The following INSYN2B variants were observed in gnomAD, a reference collection of about 807,000 sequenced individuals.
The protein encoded by INSYN2B is inhibitory synaptic factor family member 2B.
In INSYN2B, 16 loss-of-function variants were observed where a neutral mutation model predicts 41.2. The observed-to-expected ratio is 0.39, with a 90% confidence interval of 0.26 to 0.59. INSYN2B has a LOEUF of 0.59. Ranked by LOEUF, INSYN2B falls within the 20% of genes least tolerant of loss-of-function variation. The probability of loss-of-function intolerance (pLI) is 0.57; values close to 1 mark genes in which losing one functional copy is unlikely to be tolerated. For missense variants in INSYN2B, 608 were observed against 646.4 expected, an observed-to-expected ratio of 0.94 and a Z score of 0.64; for synonymous variants, 245 against 244.4, an observed-to-expected ratio of 1.00 and a Z score of -0.02.
chr5:169,952,664 AC>A (rs1204621105), intron 1 of INSYN2B, among the ~76,000 whole-genome samples: 1 of 152,142 alleles, frequency 6.6e-6, no homozygotes, highest in African/African-American at 2.4e-5. Context: ...ACAGCACCCC[AC>A]CTGCTTTTCC....
In INSYN2B at chr5:169,863,121, G is replaced by A. The variant is rs182212636; in HGVS notation, c.*1152C>T. Among the ~76,000 whole-genome samples, 1 of 152,318 alleles carries A rather than the reference G, an allele frequency of 6.6e-6. No individual in the cohort carries two copies. The highest frequency in any genetic ancestry group is 6.5e-5 in the Admixed American group (1 of 15,300). ...CAAGTTTGACTGGATCCACATGTAT[G>A]TAGGTCTTGTCAACAGAATGAGCCA... On this transcript the variant is annotated 3_prime_UTR_variant, in exon 4 of 4. Coordinates refer to ENST00000377365, the MANE Select transcript of INSYN2B (RefSeq NM_001129891.3).
intron 1 of INSYN2B, among the ~76,000 whole-genome samples, chr5:169,948,667 G>T (rs972264871): frequency 9.4e-5 from 14 of 148,162 alleles, no homozygotes; most frequent in African/African-American, 3.5e-4. Flanking sequence ...AGGCTGGAGT[G>T]CAGTGGTGTG....
At chr5:169,920,411 T>C (rs1775111300) in intron 1 of INSYN2B, among the ~76,000 whole-genome samples, 1 of 152,234 alleles carries the variant, frequency 6.6e-6, no homozygotes, top group Admixed American at 6.5e-5. Flanking sequence ...TTGTTGATAG[T>C]ATTCCAGAAA....
chr5:169,976,874 T>C (rs939445488), intron 1 of INSYN2B, among the ~76,000 whole-genome samples: 2 of 152,200 alleles, frequency 1.3e-5, no homozygotes, highest in African/African-American at 4.8e-5. Flanking sequence ...ATATGCAACA[T>C]CCAAGTGGCA....
chr5:169,957,336 A>T (rs1776911107), intron 1 of INSYN2B, among the ~76,000 whole-genome samples: 1 of 152,224 alleles, frequency 6.6e-6, no homozygotes, highest in Non-Finnish European at 1.5e-5. Flanking sequence ...ACTTTGTAGG[A>T]TTGTCATCAG....
At chr5:169,902,305 G>A (rs1197967209) in intron 1 of INSYN2B, among the ~76,000 whole-genome samples, 1 of 152,204 alleles carries the variant, frequency 6.6e-6, no homozygotes, top group East Asian at 1.9e-4. Flanking sequence ...CTGTGGACGA[G>A]GCCATCTTTT....
At chr5:169,951,035 C>T (rs183539995) in intron 1 of INSYN2B, among the ~76,000 whole-genome samples, 1 of 152,350 alleles carries the variant, frequency 6.6e-6, no homozygotes, top group Non-Finnish European at 1.5e-5. Flanking sequence ...GCCAGCGTCA[C>T]CGGTCCTGCA....
chr5:169,922,331 C>A (rs1006318629), intron 1 of INSYN2B, among the ~76,000 whole-genome samples: 4 of 152,172 alleles, frequency 2.6e-5, no homozygotes, highest in Non-Finnish European at 4.4e-5. Flanking sequence ...TGATAATATT[C>A]ATCTGGAATA....
intron 3 of INSYN2B, among the ~76,000 whole-genome samples, chr5:169,869,863 C>T (rs893753038): frequency 6.6e-6 from 1 of 152,220 alleles, no homozygotes; most frequent in Non-Finnish European, 1.5e-5. Context: ...ACCCTCCCAT[C>T]CTTACCATCT....
At chr5:169,905,269 A>G (rs996503611) in intron 1 of INSYN2B, among the ~76,000 whole-genome samples, 1 of 147,550 alleles carries the variant, frequency 6.8e-6, no homozygotes, top group African/African-American at 2.5e-5. Context: ...AATGAAACCC[A>G]GGAGCAGTAC....
At chr5:169,945,149 A>G (rs1426388751) in intron 1 of INSYN2B, among the ~76,000 whole-genome samples, 1 of 152,232 alleles carries the variant, frequency 6.6e-6, no homozygotes, top group Admixed American at 6.5e-5. Flanking sequence ...ATCCTCTGAC[A>G]TGGTTAAAAA....
intron 1 of INSYN2B, among the ~76,000 whole-genome samples, chr5:169,943,477 G>T (rs1052752435): frequency 2.6e-5 from 4 of 152,138 alleles, no homozygotes; most frequent in African/African-American, 9.7e-5. Context: ...CACATAAAAA[G>T]ATTTTAGGGC....
chr5:169,974,326 T>A (rs1777635740), intron 1 of INSYN2B, among the ~76,000 whole-genome samples: 1 of 152,242 alleles, frequency 6.6e-6, no homozygotes, highest in African/African-American at 2.4e-5. Context: ...AGTGTACTTT[T>A]TAACAGCGTC....
Position 169,864,385 on chromosome 5 carries a change from A to G in INSYN2B, c.1496T>C (p.Val499Ala). The G allele has an allele frequency of 1.3e-6, 2 of 1,551,576 alleles. No homozygotes were observed. Among genetic ancestry groups the G allele is most frequent in the Non-Finnish European group, 1.7e-6 (2 of 1,146,906 alleles). Residue 499 changes from valine (V) to alanine (A), a missense_variant, in exon 4 of 4, where the codon GTT becomes GCT. By Grantham distance (64) the Val-to-Ala change is moderately conservative. Transcript: ENST00000377365. ...CTTTGGTGGGGGCGATGCCTCCTCA[A>G]CTGGCTCTGCTTCCTCCAGACTCTG... ...VLQSLEEAEP[V>A]EEASPPPKSP...
At chr5:169,928,485 C>T (rs1775584371) in intron 1 of INSYN2B, among the ~76,000 whole-genome samples, 2 of 152,230 alleles carry the variant, frequency 1.3e-5, no homozygotes, top group African/African-American at 4.8e-5. Context: ...CCCCATGCAT[C>T]AGTGCTGCTG....
intron 1 of INSYN2B, among the ~76,000 whole-genome samples, chr5:169,953,835 A>G (rs1485692220): frequency 6.6e-6 from 1 of 152,178 alleles, no homozygotes; most frequent in Admixed American, 6.5e-5. Context: ...CCCTGGCACC[A>G]TTGGTTTTCC....
chr5:169,903,522 C>CG (rs979381201), intron 1 of INSYN2B, among the ~76,000 whole-genome samples: 1 of 39,000 alleles, frequency 2.6e-5, no homozygotes, highest in East Asian at 6.2e-4. Flanking sequence ...TAGGAGCCAG[C>CG]GGGGGCCGGG....
chr5:169,909,787 A>AT (rs1323624726), intron 1 of INSYN2B, among the ~76,000 whole-genome samples: 1 of 152,206 alleles, frequency 6.6e-6, no homozygotes, highest in Non-Finnish European at 1.5e-5. Context: ...ACTTACAAGG[A>AT]TTATTATCAT....
chr5:169,955,775 C>G (rs1430315273), intron 1 of INSYN2B, among the ~76,000 whole-genome samples: 4 of 152,186 alleles, frequency 2.6e-5, no homozygotes, highest in Non-Finnish European at 5.9e-5. Flanking sequence ...AATCCTGCCT[C>G]CCAGGGCTTT....
Sources: gnomAD v4.1 joint callset for allele counts (sites outside exome capture counted in the v4.1 genomes callset) on GRCh38, gnomAD v4.1.1 for gene constraint, MANE v1.5 for transcripts, NCBI Gene and HGNC (gene_info 2026-07-23, HGNC 2026-07-21) for gene names.